The following LRRTM4 variants were observed in gnomAD, a reference collection of about 807,000 sequenced individuals.
LRRTM4 encodes leucine rich repeat transmembrane neuronal 4.
A neutral mutation model predicts 47.6 loss-of-function variants in LRRTM4; 25 were observed. The observed-to-expected ratio is 0.53, with a 90% confidence interval of 0.38 to 0.73. The LOEUF (loss-of-function observed/expected upper bound fraction) is 0.73, where lower values mean the gene tolerates loss of function less well. Among genes scored for constraint, LRRTM4 ranks in the 30% least tolerant of loss-of-function variants. The pLI, the probability that LRRTM4 is intolerant of heterozygous loss-of-function variation, is 0.00. For synonymous variants in LRRTM4, 311 were observed against 269.5 expected, an observed-to-expected ratio of 1.15 and a Z score of -1.51; for missense variants, 638 against 713.4, an observed-to-expected ratio of 0.89 and a Z score of 1.20.
At chr2:77,361,074 T>C (rs1240059465) in intron 3 of LRRTM4, among the ~76,000 whole-genome samples, 2 of 152,094 alleles carry the variant, frequency 1.3e-5, no homozygotes, top group African/African-American at 4.8e-5. Context: ...AAATTACCAA[T>C]TTTATCTGGA....
chr2:76,803,633 T>C (rs966496828), intron 3 of LRRTM4, among the ~76,000 whole-genome samples: 2 of 152,120 alleles, frequency 1.3e-5, no homozygotes, highest in Non-Finnish European at 2.9e-5. Context: ...GAAAAGCTTT[T>C]TAAAGAGTAA....
intron 3 of LRRTM4, among the ~76,000 whole-genome samples, chr2:76,913,897 T>C (rs535113564): frequency 7.9e-5 from 12 of 152,242 alleles, no homozygotes; most frequent in South Asian, 2.1e-4. Flanking sequence ...GAAATAATCA[T>C]AGTGATAGGA....
At chr2:77,044,694 T>C (rs957289156) in intron 3 of LRRTM4, among the ~76,000 whole-genome samples, 2 of 151,604 alleles carry the variant, frequency 1.3e-5, no homozygotes, top group Admixed American at 1.3e-4. Flanking sequence ...TTACAAAATA[T>C]ATATATACAC....
At chr2:77,136,541 A>G (rs1251746694) in intron 3 of LRRTM4, among the ~76,000 whole-genome samples, 1 of 152,176 alleles carries the variant, frequency 6.6e-6, no homozygotes, top group Non-Finnish European at 1.5e-5. Flanking sequence ...CAGATCAGAA[A>G]AGCTGAAAAT....
At chr2:77,342,336 T>C (rs946047803) in intron 3 of LRRTM4, among the ~76,000 whole-genome samples, 3 of 151,916 alleles carry the variant, frequency 2.0e-5, no homozygotes, top group Non-Finnish European at 4.4e-5. Flanking sequence ...TCAGGAATTT[T>C]TATTCATTAC....
intron 3 of LRRTM4, among the ~76,000 whole-genome samples, chr2:77,255,449 C>T (rs970450153): frequency 4.8e-4 from 73 of 151,974 alleles, no homozygotes; most frequent in African/African-American, 1.7e-3. Flanking sequence ...GTCACTCTAC[C>T]CATCAACAGG....
chr2:77,218,427 G>A (rs1018028063), intron 3 of LRRTM4, among the ~76,000 whole-genome samples: 2 of 152,006 alleles, frequency 1.3e-5, no homozygotes, highest in African/African-American at 4.8e-5. Flanking sequence ...CAAGAGTAGA[G>A]AAGAAAAAGT....
chr2:76,807,485 T>TATAC (rs1553412721), intron 3 of LRRTM4, among the ~76,000 whole-genome samples: 9 of 124,402 alleles, frequency 7.2e-5, no homozygotes, highest in African/African-American at 2.6e-4. Context: ...TATATATATA[T>TATAC]ACATATATAT....
chr2:76,795,906 G>A (rs546063984), intron 3 of LRRTM4, among the ~76,000 whole-genome samples: 33 of 151,932 alleles, frequency 2.2e-4, no homozygotes, highest in East Asian at 3.9e-4. Context: ...CTGAGGTACC[G>A]GGTTCATCTC....
intron 3 of LRRTM4, among the ~76,000 whole-genome samples, chr2:77,495,640 A>G (rs1429625180): frequency 2.0e-5 from 3 of 151,950 alleles, no homozygotes; most frequent in African/African-American, 7.2e-5. Flanking sequence ...TGAAAAGACT[A>G]AGCTTTCTCC....
At chr2:77,353,933 C>G (rs191370604) in intron 3 of LRRTM4, among the ~76,000 whole-genome samples, 1 of 152,168 alleles carries the variant, frequency 6.6e-6, no homozygotes, top group Non-Finnish European at 1.5e-5. Flanking sequence ...AGCAGTGTTA[C>G]AGTTCCATGA....
intron 3 of LRRTM4, among the ~76,000 whole-genome samples, chr2:76,791,381 AT>A (rs1207211227): frequency 1.3e-5 from 2 of 152,202 alleles, no homozygotes; most frequent in Non-Finnish European, 2.9e-5. Flanking sequence ...AGTGAAAGGC[AT>A]TTTGACTATA....
chr2:77,050,926 A>G (rs1679410438), intron 3 of LRRTM4, among the ~76,000 whole-genome samples: 1 of 152,186 alleles, frequency 6.6e-6, no homozygotes, highest in Non-Finnish European at 1.5e-5. Flanking sequence ...ATACTCTCTA[A>G]GTAATCATGA....
intron 3 of LRRTM4, among the ~76,000 whole-genome samples, chr2:76,994,082 C>G (rs1436736949): frequency 4.6e-5 from 7 of 151,630 alleles, no homozygotes; most frequent in Non-Finnish European, 8.8e-5. Flanking sequence ...TACCAATGTC[C>G]ACGGCAACAA....
chr2:77,354,067 C>T (rs866181626), intron 3 of LRRTM4, among the ~76,000 whole-genome samples: 1 of 152,148 alleles, frequency 6.6e-6, no homozygotes, highest in Non-Finnish European at 1.5e-5. Flanking sequence ...GGTTATTCTA[C>T]AATTTCTGGA....
chr2:77,521,772 A>T lies in LRRTM4; in HGVS notation c.-101T>A. On this transcript the variant is annotated 5_prime_UTR_variant, in exon 2 of 4. An upstream start codon of the reference 5' UTR is lost. Coordinates refer to ENST00000409884, the MANE Select transcript of LRRTM4 (RefSeq NM_001134745.3). ...ACCTTCATGACACAGTGCGGCTGTC[A>T]TTCACACCATTCTGATCCCGCATGT... 7.7e-7 allele frequency: 1 copy of T among 1,304,416 alleles called. No individual in the cohort carries two copies. Among genetic ancestry groups the T allele is most frequent in the Non-Finnish European group, 1.1e-6 (1 of 909,878 alleles). 80.8% of individuals were successfully genotyped at this position (1,304,416 alleles called of 1,614,324 possible). A position where few individuals can be genotyped will look rare whatever the true frequency, so the allele number is the denominator to read the frequency against.
chr2:76,988,583 A>C (rs1429524346), intron 3 of LRRTM4, among the ~76,000 whole-genome samples: 1 of 151,926 alleles, frequency 6.6e-6, no homozygotes, highest in East Asian at 1.9e-4. Context: ...CCTCAAAAAG[A>C]AACAATAAAA....
chr2:77,120,363 A>G lies in LRRTM4; in HGVS notation c.1552-371447T>C, dbSNP rs140706857. On this transcript the variant is annotated intron_variant, in intron 3 of 3. Coordinates refer to ENST00000409884, the MANE Select transcript of LRRTM4 (RefSeq NM_001134745.3). ...ATAGATTGCTAACGGGAGACATACT[A>G]CAGTTAAACTCAGTCTGGAACTTGG... Among the ~76,000 whole-genome samples the G allele has an allele frequency of 3.1e-3, 472 of 151,950 alleles. 3 individuals are homozygous for G. The highest frequency in any genetic ancestry group is 0.011 in the African/African-American group (446 of 41,516).
rs891138954 is a variant in LRRTM4, at chr2:77,347,468, A to G, written c.1551+170850T>C. On this transcript the variant is annotated intron_variant, in intron 3 of 3. Coordinates refer to ENST00000409884, the MANE Select transcript of LRRTM4 (RefSeq NM_001134745.3). ...TCTTATTTGGAACATTGTGTATAATATTATTAATAAACTGTAGAACACTAT... is the reference window on the plus strand; with the variant it reads ...TCTTATTTGGAACATTGTGTATAATGTTATTAATAAACTGTAGAACACTAT... Among the ~76,000 whole-genome samples, 3 of 152,298 alleles carry G rather than the reference A, an allele frequency of 2.0e-5. No individual in the cohort carries two copies. In the South Asian group the frequency reaches 6.2e-4, roughly 32 times the overall value.
Sources: gnomAD v4.1 joint callset for allele counts (sites outside exome capture counted in the v4.1 genomes callset) on GRCh38, gnomAD v4.1.1 for gene constraint, MANE v1.5 for transcripts, NCBI Gene and HGNC (gene_info 2026-07-23, HGNC 2026-07-21) for gene names.